Variants in ARHGAP26 observed in about 807,000 individuals in gnomAD.
The protein encoded by ARHGAP26 is rho GTPase-activating protein 26.
ARHGAP26 carries 38 observed loss-of-function variants against 104.8 expected under a neutral mutation model. The ratio of observed to expected loss-of-function variants is 0.36; its 90% CI spans 0.28 to 0.48. ARHGAP26 has a LOEUF of 0.48. Ranked by LOEUF, ARHGAP26 falls within the 20% of genes least tolerant of loss-of-function variation. The pLI is 0.99. For missense variants in ARHGAP26, 704 were observed against 947.9 expected, an observed-to-expected ratio of 0.74 and a Z score of 3.38; for synonymous variants, 341 against 340.0, an observed-to-expected ratio of 1.00 and a Z score of -0.03.
chr5:142,834,303 C>T (rs1769122243), intron 1 of ARHGAP26, among the ~76,000 whole-genome samples: 1 of 152,244 alleles, frequency 6.6e-6, no homozygotes, highest in African/African-American at 2.4e-5. Flanking sequence ...AGCTCCATCT[C>T]ATCTCTAGCC....
chr5:142,910,718 G>A (rs1761721292), intron 9 of ARHGAP26, among the ~76,000 whole-genome samples: 1 of 152,154 alleles, frequency 6.6e-6, no homozygotes, highest in Non-Finnish European at 1.5e-5. Flanking sequence ...CAGCCTGGGC[G>A]ACAGTGCGAG....
intron 17 of ARHGAP26, among the ~76,000 whole-genome samples, chr5:143,118,064 A>G (rs1474338808): frequency 6.6e-6 from 1 of 152,186 alleles, no homozygotes; most frequent in South Asian, 2.1e-4. Flanking sequence ...TTCACTGGGT[A>G]TAGAGGATTG....
chr5:143,109,094 A>G (rs1439269896), intron 17 of ARHGAP26, among the ~76,000 whole-genome samples: 4 of 152,216 alleles, frequency 2.6e-5, no homozygotes, highest in South Asian at 2.1e-4. Context: ...GTGAAATTCA[A>G]TGGACTCTAC....
At chr5:142,914,373 A>T (rs1762216844) in intron 10 of ARHGAP26, among the ~76,000 whole-genome samples, 2 of 152,248 alleles carry the variant, frequency 1.3e-5, no homozygotes, top group African/African-American at 4.8e-5. Context: ...AAGCCAGACA[A>T]CCTGGGTTCA....
chr5:142,973,863 G>A (rs868435210), intron 11 of ARHGAP26, among the ~76,000 whole-genome samples: 10 of 152,304 alleles, frequency 6.6e-5, no homozygotes, highest in African/African-American at 1.9e-4. Context: ...GTGGGAGGGC[G>A]CTAGCAGAGG....
chr5:143,176,154 G>A (rs140785303), intron 20 of ARHGAP26, among the ~76,000 whole-genome samples: 1 of 152,144 alleles, frequency 6.6e-6, no homozygotes, highest in African/African-American at 2.4e-5. Context: ...AATATGACAC[G>A]TGACAATGAA....
intron 20 of ARHGAP26, chr5:143,193,844 C>G (rs1806352560): frequency 6.6e-6 from 1 of 152,258 alleles, no homozygotes; most frequent in East Asian, 1.9e-4. Flanking sequence ...ATAAATTAAA[C>G]TTTACCATAG....
At chr5:143,059,819 TAGACA>T (rs1334031297) in intron 17 of ARHGAP26, among the ~76,000 whole-genome samples, 1 of 152,222 alleles carries the variant, frequency 6.6e-6, no homozygotes, top group Non-Finnish European at 1.5e-5. Context: ...AATCTACCTG[TAGACA>T]AGCTCTCATG....
chr5:142,844,105 G>A (rs943058402), intron 1 of ARHGAP26, among the ~76,000 whole-genome samples: 3 of 148,566 alleles, frequency 2.0e-5, no homozygotes, highest in Non-Finnish European at 4.4e-5. Flanking sequence ...AGGCTAGAGT[G>A]TAGTGGCACG....
chr5:142,949,355 C>T (rs1382977083), intron 11 of ARHGAP26, among the ~76,000 whole-genome samples: 4 of 151,924 alleles, frequency 2.6e-5, no homozygotes, highest in South Asian at 4.1e-4. Flanking sequence ...GCTCAGGACC[C>T]GAGCCATATC....
intron 20 of ARHGAP26, among the ~76,000 whole-genome samples, chr5:143,174,285 C>G (rs930981716): frequency 3.9e-5 from 6 of 152,156 alleles, no homozygotes; most frequent in African/African-American, 7.2e-5. Context: ...AACGAGGAGG[C>G]AACTTTTCGT....
chr5:142,907,758 A>G lies in ARHGAP26; in HGVS notation c.887A>G (p.Lys296Arg), dbSNP rs760599771. The G allele has an allele frequency of 1.5e-5, 24 of 1,612,734 alleles. No homozygotes were observed. Among genetic ancestry groups the G allele is most frequent in the Non-Finnish European group, 1.7e-5 (20 of 1,179,178 alleles). ...KHYCTYQRDS[K>R]QITMVPFDQK... ...TACTGTACATATCAACGGGATTCCA[A>G]ACAAATCACCATGGTACCATTTGAC... The change falls in exon 9 of 23, where the codon AAA (lysine) becomes AGA (arginine). Residue 296 changes from lysine (K) to arginine (R), a missense_variant. Lys to Arg is a conservative substitution (Grantham distance 26). Coordinates refer to ENST00000645722, the MANE Select transcript of ARHGAP26 (RefSeq NM_001135608.3).
intron 1 of ARHGAP26, among the ~76,000 whole-genome samples, chr5:142,792,239 A>G (rs888039608): frequency 6.6e-6 from 1 of 152,202 alleles, no homozygotes. Context: ...GCAGGATTTA[A>G]TATCAGTTCA....
chr5:143,144,790 A>G (rs1049746673), intron 19 of ARHGAP26, among the ~76,000 whole-genome samples: 4 of 152,180 alleles, frequency 2.6e-5, no homozygotes, highest in African/African-American at 9.7e-5. Flanking sequence ...AAAACATTTG[A>G]TTGGCTGTTG....
At chr5:142,892,396 TG>T (rs1758794763) in intron 5 of ARHGAP26, among the ~76,000 whole-genome samples, 1 of 152,026 alleles carries the variant, frequency 6.6e-6, no homozygotes, top group Non-Finnish European at 1.5e-5. Context: ...ATACTAGCTG[TG>T]TCACCTTAGT....
At chr5:142,845,556 T>G (rs1771757841) in intron 1 of ARHGAP26, among the ~76,000 whole-genome samples, 1 of 152,218 alleles carries the variant, frequency 6.6e-6, no homozygotes, top group Non-Finnish European at 1.5e-5. Flanking sequence ...TTACTGTCTT[T>G]GTTATGTGCT....
chr5:143,043,374 T>C (rs1783754871), intron 14 of ARHGAP26, among the ~76,000 whole-genome samples: 1 of 152,260 alleles, frequency 6.6e-6, no homozygotes, highest in African/African-American at 2.4e-5. Flanking sequence ...GTTCCATGTA[T>C]TAATAGTTCT....
chr5:143,052,062 A>G (rs983318576), intron 14 of ARHGAP26, among the ~76,000 whole-genome samples: 1 of 152,224 alleles, frequency 6.6e-6, no homozygotes, highest in Non-Finnish European at 1.5e-5. Context: ...TGGCAAAGAC[A>G]CAAATTAAAG....
chr5:143,198,444 C>T (rs1807198580), intron 20 of ARHGAP26, among the ~76,000 whole-genome samples: 1 of 152,178 alleles, frequency 6.6e-6, no homozygotes, highest in Non-Finnish European at 1.5e-5. Flanking sequence ...AGAGGCTACA[C>T]TTAGGTTCAA....
Sources: allele counts gnomAD v4.1 joint callset (sites outside exome capture counted in the v4.1 genomes callset), GRCh38; gene constraint gnomAD v4.1.1; transcripts MANE v1.5; gene names NCBI Gene and HGNC (gene_info 2026-07-23, HGNC 2026-07-21).